The following RBFOX3 variants were observed in gnomAD, a reference collection of about 807,000 sequenced individuals.
The protein encoded by RBFOX3 is RNA binding fox-1 homolog 3, also known as RNA binding protein fox-1 homolog 3.
Under a neutral mutation model 48.7 loss-of-function variants are expected in RBFOX3, and 17 were observed. The ratio of observed to expected loss-of-function variants is 0.35; its 90% CI spans 0.24 to 0.52. The LOEUF is 0.52. Among genes scored for constraint, RBFOX3 ranks in the 20% least tolerant of loss-of-function variants. RBFOX3 has a pLI of 0.94. For synonymous variants in RBFOX3, 212 were observed against 209.5 expected (o/e 1.01, Z -0.10); for missense variants, 382 against 497.5 (o/e 0.77, Z 2.21).
chr17:79,215,145 G>A (rs1467013400), intron 4 of RBFOX3, among the ~76,000 whole-genome samples: 6 of 152,160 alleles, frequency 3.9e-5, no homozygotes, highest in Admixed American at 2.0e-4. Context: ...GTCCCATCGG[G>A]TTGGCTCTGG....
chr17:79,619,912 T>A, the RBFOX3 span, among the ~76,000 whole-genome samples: 1 of 151,962 alleles, frequency 6.6e-6, no homozygotes, highest in East Asian at 1.9e-4. Context: ...CCTTCTGGAG[T>A]AACGAAAAAT....
intron 1 of RBFOX3, among the ~76,000 whole-genome samples, chr17:79,537,436 G>A (rs1185456722): frequency 2.6e-5 from 4 of 152,112 alleles, no homozygotes; most frequent in Non-Finnish European, 4.4e-5. Context: ...TCCAAATAAA[G>A]TCCCATTCAC....
chr17:79,097,314 G>T lies in RBFOX3; in HGVS notation c.733C>A (p.Pro245Thr), dbSNP rs1204664048. ...CACGCTCCGTAAGTCGGGATGGGGG[G>T]TGGGGGTGGCGCAGCCCGAAATGTA... The part of the protein sequence containing the change: ...YNTFRAAPPP[P>T]PIPTYGAALE... Residue 245 changes from proline (P) to threonine (T), a missense_variant, in exon 11 of 15, where the codon CCC becomes ACC. Physicochemically the swap from Pro to Thr is conservative, Grantham distance 38. Coordinates refer to ENST00000693108, the MANE Select transcript of RBFOX3 (RefSeq NM_001350451.2). 2 of 1,544,970 alleles carry T rather than the reference G, an allele frequency of 1.3e-6. No homozygotes were observed. Among genetic ancestry groups the T allele is most frequent in the East Asian group, 2.5e-5 (1 of 40,622 alleles).
At chr17:79,200,125 T>C (rs2056499511) in intron 4 of RBFOX3, among the ~76,000 whole-genome samples, 1 of 145,184 alleles carries the variant, frequency 6.9e-6, no homozygotes, top group African/African-American at 2.6e-5. Context: ...ATTGCGTCAC[T>C]GTACTTCAGC....
At position 79,186,678 on chromosome 17, in the gene RBFOX3, TA is replaced by T. The variant is rs34346626; in HGVS notation, c.-34+49087del. Among the ~76,000 whole-genome samples the T allele has an allele frequency of 2.6e-5, 4 of 151,688 alleles. No homozygotes were observed. The East Asian group carries it at 7.7e-4, about 29-fold the overall frequency. On this transcript the variant is annotated intron_variant, in intron 4 of 14. Coordinates refer to ENST00000693108, the MANE Select transcript of RBFOX3 (RefSeq NM_001350451.2). ...CACTCCAGTGCTAATATTCACTACT[TA>T]AAAAAAAGAGGCAAGAAAAAATACC...
At chr17:79,302,171 C>T (rs1237227670) in intron 3 of RBFOX3, among the ~76,000 whole-genome samples, 2 of 152,230 alleles carry the variant, frequency 1.3e-5, no homozygotes, top group Non-Finnish European at 2.9e-5. Context: ...CCACTGAGCT[C>T]TCACTGCATG....
chr17:79,248,419 G>A (rs1248583333), intron 3 of RBFOX3, among the ~76,000 whole-genome samples: 1 of 152,180 alleles, frequency 6.6e-6, no homozygotes, highest in African/African-American at 2.4e-5. Context: ...TAAAAGCCAG[G>A]TGTCTGTCCC....
chr17:79,394,562 T>C (rs1179582332), intron 2 of RBFOX3, among the ~76,000 whole-genome samples: 1 of 152,082 alleles, frequency 6.6e-6, no homozygotes, highest in African/African-American at 2.4e-5. Context: ...AGGCTGACAG[T>C]CAAGGCAGCA....
chr17:79,517,569 G>C (rs908081815), intron 1 of RBFOX3, among the ~76,000 whole-genome samples: 5 of 145,248 alleles, frequency 3.4e-5, no homozygotes, highest in African/African-American at 1.3e-4. Flanking sequence ...CCATTCCTAT[G>C]GCTGAGCTCT....
chr17:79,294,299 C>T (rs2073952609), intron 3 of RBFOX3, among the ~76,000 whole-genome samples: 1 of 152,122 alleles, frequency 6.6e-6, no homozygotes, highest in Non-Finnish European at 1.5e-5. Context: ...TGCCGGACTC[C>T]GGTAGCAGAC....
chr17:79,612,724 T>C (rs1346869366), upstream of RBFOX3, among the ~76,000 whole-genome samples: 2 of 152,222 alleles, frequency 1.3e-5, no homozygotes, highest in East Asian at 3.9e-4. Flanking sequence ...GGATTTGAAA[T>C]GGCGCATTCC....
intron 1 of RBFOX3, among the ~76,000 whole-genome samples, chr17:79,582,982 G>A (rs1262741564): frequency 6.6e-6 from 1 of 152,090 alleles, no homozygotes; most frequent in Admixed American, 6.5e-5. Flanking sequence ...CTTCCGCCAG[G>A]GCTTCCCACA....
intron 3 of RBFOX3, among the ~76,000 whole-genome samples, chr17:79,305,345 C>T (rs2145495820): frequency 6.6e-6 from 1 of 152,256 alleles, no homozygotes; most frequent in East Asian, 1.9e-4. Context: ...TTCTTTTCCA[C>T]CCACCCAACT....
chr17:79,157,971 G>A (rs1303287305), intron 4 of RBFOX3, among the ~76,000 whole-genome samples: 1 of 152,158 alleles, frequency 6.6e-6, no homozygotes, highest in Non-Finnish European at 1.5e-5. Context: ...CAACTCCTAC[G>A]CTGAAGTCCT....
intron 4 of RBFOX3, among the ~76,000 whole-genome samples, chr17:79,155,552 A>G (rs921911390): frequency 3.9e-5 from 6 of 152,212 alleles, no homozygotes; most frequent in Non-Finnish European, 7.3e-5. Context: ...GTAATGCTGT[A>G]CGGCAGAGGT....
At chr17:79,428,993 G>A (rs12939876) in intron 2 of RBFOX3, among the ~76,000 whole-genome samples, 67,231 of 151,848 alleles carry the variant, frequency 0.44, 15,081 homozygotes, top group Non-Finnish European at 0.48. Context: ...TTCCCTCACC[G>A]ACTCTTCCCC....
At chr17:79,197,705 T>A (rs2055930801) in intron 4 of RBFOX3, among the ~76,000 whole-genome samples, 1 of 152,038 alleles carries the variant, frequency 6.6e-6, no homozygotes, top group South Asian at 2.1e-4. Context: ...AGAAAACAGA[T>A]ATTTCTTTCT....
chr17:79,270,927 C>A (rs4239026), intron 3 of RBFOX3, among the ~76,000 whole-genome samples: 1 of 152,142 alleles, frequency 6.6e-6, no homozygotes, highest in South Asian at 2.1e-4. Context: ...TATGCAACAA[C>A]ATGCTAGGGC....
intron 3 of RBFOX3, among the ~76,000 whole-genome samples, chr17:79,296,931 CCCTCTCCCTCCTCCT>C (rs2074468977): frequency 7.6e-6 from 1 of 132,006 alleles, no homozygotes; most frequent in African/African-American, 2.9e-5. Flanking sequence ...TCTCTCCTCC[CCCTCTCCCTCCTCCT>C]CCTCTTCCTC....
Sources: gnomAD v4.1 joint callset for allele counts (sites outside exome capture counted in the v4.1 genomes callset) on GRCh38, gnomAD v4.1.1 for gene constraint, MANE v1.5 for transcripts, NCBI Gene and HGNC (gene_info 2026-07-23, HGNC 2026-07-21) for gene names.